Variants in SVOPL observed in about 807,000 individuals in gnomAD.
The protein encoded by SVOPL is SVOP like.
A neutral mutation model predicts 61.0 loss-of-function variants in SVOPL; 60 were observed. The observed-to-expected ratio is 0.98, with a 90% CI of 0.80 to 1.22. SVOPL has a LOEUF of 1.22. SVOPL is among the 50% of genes most tolerant of loss of function. SVOPL has a pLI of 0.00. For missense variants in SVOPL, 662 were observed against 643.9 expected (o/e 1.03, Z -0.30); for synonymous variants, 279 against 250.0 (o/e 1.12, Z -1.09).
chr7:138,595,643 G>C (rs2116722455), intron 15 of SVOPL, among the ~76,000 whole-genome samples: 1 of 152,268 alleles, frequency 6.6e-6, no homozygotes, highest in East Asian at 1.9e-4. Context: ...TACAATATTA[G>C]TGTGCTCCTT....
chr7:138,601,497 T>G (rs1283985763), intron 14 of SVOPL, among the ~76,000 whole-genome samples: 4 of 150,134 alleles, frequency 2.7e-5, no homozygotes, highest in South Asian at 2.1e-4. Flanking sequence ...AAACTAATAA[T>G]AAGAAGCCAG....
chr7:138,658,881 A>AACCCCAACCCCATTCATCTACCAACTACC (rs1801872876), intron 6 of SVOPL, among the ~76,000 whole-genome samples: 1 of 104,568 alleles, frequency 9.6e-6, no homozygotes, highest in Non-Finnish European at 1.9e-5. Context: ...CCCCCGCCCC[A>AACCCCAACCCCATTCATCTACCAACTACC]ACCCCAACCC....
At chr7:138,632,514 G>T (rs184660745) in intron 9 of SVOPL, among the ~76,000 whole-genome samples, 1 of 152,110 alleles carries the variant, frequency 6.6e-6, no homozygotes, top group South Asian at 2.1e-4. Flanking sequence ...GAAGGCTTGA[G>T]AAGGAAAGTG....
At position 138,652,132 on chromosome 7, in the gene SVOPL, A is replaced by G. The variant is rs144308065; in HGVS notation, c.535-2995T>C. Among the ~76,000 whole-genome samples the G allele has an allele frequency of 1.6e-3, 244 of 151,940 alleles. 4 individuals carry two copies. Among genetic ancestry groups the G allele is most frequent in the Non-Finnish European group, 2.4e-4 (16 of 67,966 alleles). ...AGAGACAGGATCTTGGCTCACTGCA[A>G]CTTCTGCCCCCCAGGTTCAAGCGAT... On this transcript the variant is annotated intron_variant, in intron 7 of 15. Coordinates refer to ENST00000674285, the MANE Select transcript of SVOPL (RefSeq NM_001139456.2).
At chr7:138,628,975 C>A (rs901495305) in intron 10 of SVOPL, among the ~76,000 whole-genome samples, 1 of 151,866 alleles carries the variant, frequency 6.6e-6, no homozygotes, top group African/African-American at 2.4e-5. Flanking sequence ...GAGTTTGAGA[C>A]CAGCCTGGGC....
intron 1 of SVOPL, among the ~76,000 whole-genome samples, chr7:138,697,367 C>T (rs1803084694): frequency 6.6e-6 from 1 of 151,570 alleles, no homozygotes. Context: ...AGATATAAGC[C>T]ACAAATTACA....
intron 14 of SVOPL, among the ~76,000 whole-genome samples, chr7:138,614,278 T>C (rs574960102): frequency 4.6e-5 from 7 of 152,180 alleles, no homozygotes; most frequent in African/African-American, 1.7e-4. Context: ...TCTACTTTGC[T>C]CTCTTCTGAA....
Position 138,615,560 on chromosome 7 carries a change from C to CAAAA in SVOPL, c.1353+5482_1353+5485dup, listed in dbSNP as rs770404185. Among the ~76,000 whole-genome samples, 11 of 5,540 alleles carry CAAAA rather than the reference C, an allele frequency of 2.0e-3. 2 individuals are homozygous for CAAAA. Among genetic ancestry groups the CAAAA allele is most frequent in the African/African-American group, 3.0e-3 (9 of 3,014 alleles). The allele number at this position is 5,540 out of a possible 152,430, so 3.6% of individuals were successfully genotyped here. On this transcript the variant is annotated intron_variant, in intron 14 of 15. Coordinates refer to ENST00000674285, the MANE Select transcript of SVOPL (RefSeq NM_001139456.2). Reference sequence around the variant, plus strand: ...GGGTGACAGAGCGAGACTCCGTCTCCAAAAAAAAAAAAAAAAAAAAAAAAA... The same window carrying CAAAA: ...GGGTGACAGAGCGAGACTCCGTCTCCAAAAAAAAAAAAAAAAAAAAAAAAAAAAA...
At chr7:138,691,393 A>G (rs755348348) in intron 1 of SVOPL, among the ~76,000 whole-genome samples, 3 of 152,190 alleles carry the variant, frequency 2.0e-5, no homozygotes, top group Non-Finnish European at 2.9e-5. Context: ...ATCTAAACGT[A>G]TTTTACAATT....
At chr7:138,660,708 T>C (rs1290101556) in intron 5 of SVOPL, 3 of 985,390 alleles carry the variant, frequency 3.0e-6, no homozygotes, top group Non-Finnish European at 3.6e-6. Flanking sequence ...GGAAGACAAA[T>C]GTTCAGGTTA....
chr7:138,604,795 A>C (rs1007618790), intron 14 of SVOPL, among the ~76,000 whole-genome samples: 4 of 152,098 alleles, frequency 2.6e-5, no homozygotes, highest in Non-Finnish European at 5.9e-5. Flanking sequence ...GGAAATAAAA[A>C]CAAAAGCTTA....
intron 4 of SVOPL, chr7:138,664,305 A>G (rs1200382649): frequency 1.1e-6 from 1 of 901,604 alleles, no homozygotes; most frequent in Non-Finnish European, 1.3e-6. Context: ...CTAACCCTCC[A>G]GCACCCCTAA....
intron 14 of SVOPL, among the ~76,000 whole-genome samples, chr7:138,605,013 C>T (rs1269538725): frequency 6.6e-6 from 1 of 151,020 alleles, no homozygotes; most frequent in Non-Finnish European, 1.5e-5. Flanking sequence ...GCCAGGAGTT[C>T]AAGACTGGCC....
intron 1 of SVOPL, among the ~76,000 whole-genome samples, chr7:138,686,200 C>T (rs1802807913): frequency 6.6e-6 from 1 of 151,542 alleles, no homozygotes; most frequent in Admixed American, 6.6e-5. Flanking sequence ...GTCAGGAGTT[C>T]GAGACCAGCC....
At chr7:138,661,014 T>G in intron 5 of SVOPL, 1 of 983,234 alleles carries the variant, frequency 1.0e-6, no homozygotes, top group Non-Finnish European at 1.2e-6. Flanking sequence ...CTTGATAATT[T>G]GTATTTCTTT....
At chr7:138,633,152 A>T (rs1011936796) in intron 9 of SVOPL, among the ~76,000 whole-genome samples, 8 of 152,188 alleles carry the variant, frequency 5.3e-5, no homozygotes, top group Non-Finnish European at 1.0e-4. Flanking sequence ...TGAACTCCAA[A>T]CCCATGAGAG....
At position 138,689,691 on chromosome 7, in the gene SVOPL, T is replaced by TAAAA. The variant is rs1468309404; in HGVS notation, c.-34-10613_-34-10612insTTTT. On this transcript the variant is annotated intron_variant, in intron 1 of 15. Transcript: ENST00000674285. ...GACCAACATGGTGAAACCCCGTCTC[T>TAAAA]ACTAAAAATACAAAAATTAGCCGGG... Among the ~76,000 whole-genome samples, 10 of 151,864 alleles carry TAAAA rather than the reference T, an allele frequency of 6.6e-5. No individual in the cohort carries two copies. In the East Asian group the frequency reaches 1.6e-3, roughly 24 times the overall value.
chr7:138,605,449 G>GTCAGGAGCTTGAGA (rs911684195), intron 14 of SVOPL, among the ~76,000 whole-genome samples: 6 of 151,928 alleles, frequency 3.9e-5, no homozygotes, highest in Admixed American at 2.0e-4. Context: ...ATCACCCAAG[G>GTCAGGAGCTTGAGA]TCAGGAGCTT....
chr7:138,656,474 G>A lies in SVOPL; in HGVS notation c.508C>T (p.Arg170Ter), dbSNP rs117871806. 5,896 of 1,613,876 alleles carry A rather than the reference G, an allele frequency of 3.7e-3. 14 individuals are homozygous for A. Among genetic ancestry groups the A allele is most frequent in the Non-Finnish European group, 4.5e-3 (5,311 of 1,179,900 alleles). The change falls in exon 7 of 16, where the codon CGA (arginine) becomes TGA (stop). Residue 170 changes from arginine to a stop codon, truncating the protein, a stop_gained. Transcript: ENST00000674285. LOFTEE classifies it high-confidence loss of function. ...IKTEFLPTKY[R>*]GYMLPLSQVF... ...TGAGACAAGGGTAACATATAGCCTC[G>A]GTATTTCGTGGGCAAAAATTCAGTC...
Sources: gnomAD v4.1 joint callset for allele counts (sites outside exome capture counted in the v4.1 genomes callset) on GRCh38, gnomAD v4.1.1 for gene constraint, MANE v1.5 for transcripts, NCBI Gene and HGNC (gene_info 2026-07-23, HGNC 2026-07-21) for gene names.